Variants in ZMYM2 observed in about 807,000 individuals in gnomAD.
ZMYM2 encodes the protein zinc finger MYM-type containing 2, also known as zinc finger MYM-type protein 2.
In ZMYM2, 56 loss-of-function variants were observed where a neutral mutation model predicts 162.8. The observed-to-expected ratio is 0.34, with a 90% confidence interval of 0.28 to 0.43. The LOEUF (loss-of-function observed/expected upper bound fraction) is 0.43, where lower values mean the gene tolerates loss of function less well. Among genes scored for constraint, ZMYM2 ranks in the 20% least tolerant of loss-of-function variants. The pLI, the probability that ZMYM2 is intolerant of heterozygous loss-of-function variation, is 1.00. For synonymous variants in ZMYM2, 510 were observed against 541.6 expected (o/e 0.94, Z 0.81); for missense variants, 1,275 against 1,621.8 (o/e 0.79, Z 3.67).
the ZMYM2 span, among the ~76,000 whole-genome samples, chr13:19,897,467 T>C: frequency 6.6e-6 from 1 of 151,660 alleles, no homozygotes; most frequent in Non-Finnish European, 1.5e-5. Flanking sequence ...GCTGGGCCCC[T>C]GGGCAGGCCA....
At chr13:19,866,841 C>G in the ZMYM2 span, among the ~76,000 whole-genome samples, 1,831 of 151,908 alleles carry the variant, frequency 0.012, 37 homozygotes, top group African/African-American at 0.04. Flanking sequence ...CTGCAGTGAG[C>G]CATGATTGTG....
the ZMYM2 span, among the ~76,000 whole-genome samples, chr13:19,909,209 A>G: frequency 6.6e-6 from 1 of 152,082 alleles, no homozygotes; most frequent in African/African-American, 2.4e-5. Flanking sequence ...TCCTTGTTTT[A>G]TATGCATGAA....
In ZMYM2 at chr13:20,051,253, G is replaced by GCATCTTTTTTTTTTTTTTTTTTTTT. The variant is rs369364385; in HGVS notation, c.2293-180_2293-179insCATCTTTTTTTTTTTTTTTTTTTTT. Reference sequence around the variant, plus strand: ...GATGGACTTTGTCAACTGTGAAATTGTATTTTTTTTTTTTTTTTTCATTTA... The same window carrying GCATCTTTTTTTTTTTTTTTTTTTTT: ...GATGGACTTTGTCAACTGTGAAATTGCATCTTTTTTTTTTTTTTTTTTTTTTATTTTTTTTTTTTTTTTTCATTTA... On this transcript the variant is annotated intron_variant, in intron 12 of 24. Coordinates refer to ENST00000610343, the MANE Select transcript of ZMYM2 (RefSeq NM_197968.4). Among the ~76,000 whole-genome samples, 7 of 74,210 alleles carry GCATCTTTTTTTTTTTTTTTTTTTTT rather than the reference G, an allele frequency of 9.4e-5. 2 individuals are homozygous for GCATCTTTTTTTTTTTTTTTTTTTTT. Among genetic ancestry groups the GCATCTTTTTTTTTTTTTTTTTTTTT allele is most frequent in the African/African-American group, 1.7e-4 (4 of 23,214 alleles). The allele number at this position is 74,210 out of a possible 152,430, so 48.7% of individuals were successfully genotyped here.
chr13:19,883,740 T>C, the ZMYM2 span, among the ~76,000 whole-genome samples: 3 of 152,226 alleles, frequency 2.0e-5, no homozygotes, highest in African/African-American at 7.2e-5. Context: ...ATGTTTGTAA[T>C]ATTCTCATGG....
chr13:20,047,355 C>A (rs951327011), intron 12 of ZMYM2, among the ~76,000 whole-genome samples: 4 of 152,160 alleles, frequency 2.6e-5, no homozygotes, highest in African/African-American at 7.2e-5. Flanking sequence ...GGGTCCCCCC[C>A]TTTTATGGTT....
chr13:19,966,362 G>A (rs1171077438), intron 2 of ZMYM2, among the ~76,000 whole-genome samples: 1 of 150,888 alleles, frequency 6.6e-6, no homozygotes, highest in Admixed American at 6.6e-5. Context: ...TTGAACTCCC[G>A]ACCTCAGGTT....
the ZMYM2 span, among the ~76,000 whole-genome samples, chr13:19,922,104 G>A: frequency 6.6e-6 from 1 of 151,856 alleles, no homozygotes; most frequent in Non-Finnish European, 1.5e-5. Flanking sequence ...TAGTAGAGAC[G>A]AGGTTTCACT....
chr13:20,050,511 AAT>A (rs991344971), intron 12 of ZMYM2, among the ~76,000 whole-genome samples: 1 of 6,778 alleles, frequency 1.5e-4, no homozygotes, highest in African/African-American at 1.8e-4. Flanking sequence ...AATTGAAAAA[AAT>A]AATAATAGTT....
chr13:19,881,873 T>C, the ZMYM2 span, among the ~76,000 whole-genome samples: 5 of 151,472 alleles, frequency 3.3e-5, no homozygotes, highest in Non-Finnish European at 7.4e-5. Flanking sequence ...TCCCAGCTAC[T>C]TGGGAGGCCG....
chr13:20,061,685 T>C (rs1348776306), intron 17 of ZMYM2, among the ~76,000 whole-genome samples: 1 of 152,012 alleles, frequency 6.6e-6, no homozygotes, highest in Non-Finnish European at 1.5e-5. Flanking sequence ...GCCTCCTGGG[T>C]TCAAGCTATG....
intron 2 of ZMYM2, among the ~76,000 whole-genome samples, chr13:19,986,676 T>A (rs1284226141): frequency 6.6e-6 from 1 of 152,196 alleles, no homozygotes; most frequent in Non-Finnish European, 1.5e-5. Context: ...TCAATTAAAA[T>A]TTTTTAAATA....
intron 2 of ZMYM2, among the ~76,000 whole-genome samples, chr13:19,983,568 C>T (rs541111317): frequency 6.6e-4 from 101 of 152,094 alleles, no homozygotes; most frequent in Non-Finnish European, 1.3e-3. Flanking sequence ...AATGATAATG[C>T]TTTTAATAAT....
At chr13:20,051,119 TG>T (rs1272761227) in intron 12 of ZMYM2, among the ~76,000 whole-genome samples, 1 of 152,072 alleles carries the variant, frequency 6.6e-6, no homozygotes, top group Non-Finnish European at 1.5e-5. Flanking sequence ...GTACATTATA[TG>T]GCCCTCAAAA....
chr13:19,993,838 G>A lies in ZMYM2; in HGVS notation c.766G>A (p.Val256Ile). The change falls in exon 3 of 25, where the codon GTA becomes ATA. Residue 256 changes from valine (V) to isoleucine (I), a missense_variant. Val to Ile is a conservative substitution (Grantham distance 29, BLOSUM62 3). Coordinates refer to ENST00000610343, the MANE Select transcript of ZMYM2 (RefSeq NM_197968.4). ...TTTAACTTCACAGACCAAGACTGGA[G>A]TAGGACCTTTTAATCCTGGTAGAAT... ...PSLTSQTKTG[V>I]GPFNPGRMNV... is the part of the protein sequence containing the mutation. The A allele has an allele frequency of 6.2e-7, 1 of 1,614,116 alleles. No homozygotes were observed. Among genetic ancestry groups the A allele is most frequent in the South Asian group, 1.1e-5 (1 of 91,078 alleles).
intron 2 of ZMYM2, among the ~76,000 whole-genome samples, chr13:19,981,291 AAAC>A (rs1193971859): frequency 7.8e-6 from 1 of 128,978 alleles, no homozygotes; most frequent in Non-Finnish European, 1.5e-5. Flanking sequence ...AAAAAACAAA[AAAC>A]AAACAAACAA....
chr13:20,059,517 C>A lies in ZMYM2; in HGVS notation c.2694C>A (p.His898Gln). 1 of 1,437,880 alleles carries A rather than the reference C, an allele frequency of 7.0e-7. No homozygotes were observed. Among genetic ancestry groups the A allele is most frequent in the Non-Finnish European group, 9.8e-7 (1 of 1,019,566 alleles). 89.1% of individuals were successfully genotyped at this position (1,437,880 alleles called of 1,614,324 possible). A position where few individuals can be genotyped will look rare whatever the true frequency, so the allele number is the denominator to read the frequency against. Residue 898 changes from histidine (H) to glutamine (Q), a missense_variant, in exon 16 of 25, where the codon CAC becomes CAA. His to Gln is a conservative substitution (Grantham distance 24, BLOSUM62 0). Coordinates refer to ENST00000610343, the MANE Select transcript of ZMYM2 (RefSeq NM_197968.4). ...CTGTGTATATCCCAGTTCCTATGCACATGTACAGTCAGAATATTCCTGTTC... is the reference window on the plus strand; with the variant it reads ...CTGTGTATATCCCAGTTCCTATGCAAATGTACAGTCAGAATATTCCTGTTC... ...PVPVYIPVPM[H>Q]MYSQNIPVPT...
At chr13:19,966,923 T>G (rs1955841749) in intron 2 of ZMYM2, among the ~76,000 whole-genome samples, 1 of 152,204 alleles carries the variant, frequency 6.6e-6, no homozygotes, top group African/African-American at 2.4e-5. Context: ...AAGTGTTAAC[T>G]CCTGCCTAGG....
At chr13:20,031,570 T>C (rs1237821978) in intron 10 of ZMYM2, 135 bp downstream of exon 10, 1 of 605,264 alleles carries the variant, frequency 1.7e-6, no homozygotes, top group Non-Finnish European at 2.8e-6. Flanking sequence ...TATGATTGGA[T>C]TATTTATTCT....
rs148147988 is a variant in ZMYM2 at position 20,028,989 on chromosome 13, A to G, written c.1851+1671A>G. On this transcript the variant is annotated intron_variant, in intron 9 of 24. Transcript: ENST00000610343. ...GAAAAGCAACATTTTTCCCTTTATC[A>G]TAAAGCAAACCATATATTTTGAACT... 4.8e-3 allele frequency among the ~76,000 whole-genome samples: 738 copies of G among 152,286 alleles called. 7 individuals are homozygous for G. Among genetic ancestry groups the G allele is most frequent in the African/African-American group, 0.017 (696 of 41,564 alleles).
Sources: gnomAD v4.1 joint callset for allele counts (sites outside exome capture counted in the v4.1 genomes callset) on GRCh38, gnomAD v4.1.1 for gene constraint, MANE v1.5 for transcripts, NCBI Gene and HGNC (gene_info 2026-07-23, HGNC 2026-07-21) for gene names.